FAM20C: variants seen among roughly 807,000 people sequenced by gnomAD.
FAM20C encodes the protein extracellular serine/threonine protein kinase FAM20C.
A neutral mutation model predicts 51.5 loss-of-function variants in FAM20C; 40 were observed. The ratio of observed to expected loss-of-function variants is 0.78; its 90% confidence interval spans 0.60 to 1.01. The LOEUF is 1.01. Ranked by LOEUF, FAM20C falls within the 50% of genes least tolerant of loss-of-function variation. The pLI, the probability that FAM20C is intolerant of heterozygous loss-of-function variation, is 0.00. For missense variants in FAM20C, 861 were observed against 844.7 expected (o/e 1.02, Z -0.24); for synonymous variants, 406 against 380.6 (o/e 1.07, Z -0.78).
At chr7:217,861 G>A (rs979538463) in intron 3 of FAM20C, among the ~76,000 whole-genome samples, 1 of 152,180 alleles carries the variant, frequency 6.6e-6, no homozygotes, top group Non-Finnish European at 1.5e-5. Flanking sequence ...CACCCTCAGA[G>A]GAAGAGGGGC....
intron 3 of FAM20C, among the ~76,000 whole-genome samples, chr7:233,582 G>T (rs1787764236): frequency 6.6e-6 from 1 of 152,290 alleles, no homozygotes; most frequent in East Asian, 1.9e-4. Flanking sequence ...TCCGGCTCCT[G>T]GAGGCGCCTG....
intron 3 of FAM20C, among the ~76,000 whole-genome samples, chr7:212,138 A>G (rs1786749820): frequency 6.6e-6 from 1 of 152,244 alleles, no homozygotes; most frequent in Non-Finnish European, 1.5e-5. Context: ...TCATGACCAT[A>G]GCATTAATGA....
chr7:232,105 C>A (rs550825514), intron 3 of FAM20C, among the ~76,000 whole-genome samples: 65 of 152,366 alleles, frequency 4.3e-4, no homozygotes, highest in African/African-American at 1.5e-3. Flanking sequence ...CGCCCCTTTC[C>A]CTGCTCGGCC....
chr7:259,034 C>A (rs1020953045), intron 9 of FAM20C, among the ~76,000 whole-genome samples: 1 of 152,250 alleles, frequency 6.6e-6, no homozygotes, highest in Non-Finnish European at 1.5e-5. Context: ...ACGCAGCTGC[C>A]GGTCTCTGCC....
rs908212709 is a variant in FAM20C, at chr7:255,845, C to A, written c.1073-4C>A. 8 of 1,536,180 alleles carry A rather than the reference C, an allele frequency of 5.2e-6. No individual in the cohort carries two copies. The African/African-American group carries it at 8.2e-5, about 16-fold the overall frequency. Reference sequence around the variant, plus strand: ...CTGGTAACCCGCAGCCTGTCCCTCCCCAGCCAACAACATCTGCTTCTACGG... The same window carrying A: ...CTGGTAACCCGCAGCCTGTCCCTCCACAGCCAACAACATCTGCTTCTACGG... On this transcript the variant is annotated splice_region_variant and splice_polypyrimidine_tract_variant and intron_variant, in intron 5 of 9. Coordinates refer to ENST00000313766, the MANE Select transcript of FAM20C (RefSeq NM_020223.4).
chr7:257,473 C>T, intron 8 of FAM20C: 1 of 211,824 alleles, frequency 4.7e-6, no homozygotes, highest in Non-Finnish European at 9.4e-6. Context: ...TGCTGGCCTG[C>T]CACGGGGGGT....
Position 256,661 on chromosome 7 carries a change from G to T in FAM20C, c.1261G>T (p.Val421Leu). 1 of 1,535,992 alleles carries T rather than the reference G, an allele frequency of 6.5e-7. No individual in the cohort carries two copies. Among genetic ancestry groups the T allele is most frequent in the South Asian group, 1.2e-5 (1 of 84,056 alleles). ...CACGCTGGCTCCCCGCAGGTGGGAG[G>T]TGGACCCTGACTACTGCGAGGAGGT... ...YHKRKKAEWE[V>L]DPDYCEEVKQ... The change falls in exon 7 of 10, where the codon GTG becomes TTG. Residue 421 changes from valine to leucine, a missense_variant. Coordinates refer to ENST00000313766, the MANE Select transcript of FAM20C (RefSeq NM_020223.4).
intron 3 of FAM20C, among the ~76,000 whole-genome samples, chr7:215,244 GCC>G: frequency 1.6e-5 from 2 of 125,944 alleles, no homozygotes; most frequent in Non-Finnish European, 1.8e-5. Context: ...GGGGAGCAGG[GCC>G]CCTGGTGTAT....
rs1788577735 is a variant in FAM20C, at chr7:256,039, G to C, written c.1253+10G>C. 6.5e-7 allele frequency: 1 copy of C among 1,532,642 alleles called. No homozygotes were observed. The highest frequency in any genetic ancestry group is 8.7e-7 in the Non-Finnish European group (1 of 1,145,066). 94.9% of individuals were successfully genotyped at this position (1,532,642 alleles called of 1,614,324 possible). A position where few individuals can be genotyped will look rare whatever the true frequency, so the allele number is the denominator to read the frequency against. The stretch of plus-strand genomic sequence containing the variant: ...AGCGCAAGAAGGCCGAGTGAGTGCG[G>C]GGCCGGGGGGCTGGCGTCCGGCCAC... On this transcript the variant is annotated intron_variant, in intron 6 of 9. Coordinates refer to ENST00000313766, the MANE Select transcript of FAM20C (RefSeq NM_020223.4).
At chr7:224,477 A>ACAACC (rs1562381470) in intron 3 of FAM20C, among the ~76,000 whole-genome samples, 4 of 8,118 alleles carry the variant, frequency 4.9e-4, no homozygotes, top group Non-Finnish European at 5.2e-4. Context: ...ATTGCGCAGA[A>ACAACC]TGGCACCGTC....
chr7:208,965 C>A lies in FAM20C; in HGVS notation c.852C>A (p.Phe284Leu). The change falls in exon 3 of 10, where the codon TTC (phenylalanine) becomes TTA (leucine). Residue 284 changes from phenylalanine (F) to leucine (L), a missense_variant. Around this residue, in one of 3 missense-constraint regions of FAM20C, gnomAD observed 561 missense variants for 499.8 expected, o/e 1.12. Coordinates refer to ENST00000313766, the MANE Select transcript of FAM20C (RefSeq NM_020223.4). ...MTFQNYGQAL[F>L]KPMKQTREQE... ...TCCAGAATTACGGGCAAGCGCTGTT[C>A]AAACCCATGAAGTAAGTGCCGAGGC... is the stretch of plus-strand genomic sequence containing the variant. The A allele has an allele frequency of 1.3e-6, 2 of 1,583,440 alleles. No individual in the cohort carries two copies. The highest frequency in any genetic ancestry group is 2.3e-5 in the South Asian group (2 of 86,264).
chr7:259,869 G>A lies in FAM20C; in HGVS notation c.1644G>A (p.Arg548=). Residue 548 remains arginine (R), a synonymous_variant, in exon 10 of 10, where the codon CGG becomes CGA. Transcript: ENST00000313766. Reference sequence around the variant, plus strand: ...AGCCGCACCTGGAGGCCCTGGACCGGCGGCTCCGCGTCGTGCTAAAGGCCG... The same window carrying A: ...AGCCGCACCTGGAGGCCCTGGACCGACGGCTCCGCGTCGTGCTAAAGGCCG... ...LYQPHLEALD[R]RLRVVLKAVR... 1 of 1,536,258 alleles carries A rather than the reference G, an allele frequency of 6.5e-7. No homozygotes were observed. Among genetic ancestry groups the A allele is most frequent in the Non-Finnish European group, 8.7e-7 (1 of 1,146,754 alleles).
At chr7:255,726 G>C in intron 5 of FAM20C, 123 bp from the exon 6 acceptor site, 1 of 1,030,582 alleles carries the variant, frequency 9.7e-7, no homozygotes, top group Non-Finnish European at 1.4e-6. Context: ...ATGGGGAACT[G>C]TGGGTGAGTC....
At chr7:253,330 C>T (rs1021270127) in intron 5 of FAM20C, among the ~76,000 whole-genome samples, 4 of 152,174 alleles carry the variant, frequency 2.6e-5, no homozygotes, top group South Asian at 2.1e-4. Context: ...TGGTGGGAGA[C>T]GCTTGAGCCG....
In FAM20C at chr7:193,146, C is replaced by G; in HGVS notation, c.-54C>G. The stretch of plus-strand genomic sequence containing the variant: ...GCGCCGCGCTCGTGCCCAGCTGCAG[C>G]TAGAGGGGCGCGCGGGCAGAACGCG... On this transcript the variant is annotated 5_prime_UTR_variant, in exon 1 of 10. Coordinates refer to ENST00000313766, the MANE Select transcript of FAM20C (RefSeq NM_020223.4). 1 of 1,408,488 alleles carries G rather than the reference C, an allele frequency of 7.1e-7. No homozygotes were observed. Among genetic ancestry groups the G allele is most frequent in the Non-Finnish European group, 9.3e-7 (1 of 1,070,874 alleles). 87.2% of individuals were successfully genotyped at this position (1,408,488 alleles called of 1,614,324 possible). A position where few individuals can be genotyped will look rare whatever the true frequency, so the allele number is the denominator to read the frequency against.
rs1025213270 is a variant in FAM20C, at chr7:218,055, G to C, written c.863+9079G>C. Among the ~76,000 whole-genome samples, 2 of 152,176 alleles carry C rather than the reference G, an allele frequency of 1.3e-5. 1 individual carries two copies. The highest frequency in any genetic ancestry group is 4.8e-5 in the African/African-American group (2 of 41,416). On this transcript the variant is annotated intron_variant, in intron 3 of 9. Coordinates refer to ENST00000313766, the MANE Select transcript of FAM20C (RefSeq NM_020223.4). ...GTGTGAGGCCAGGAGTGGTGGGGTA[G>C]GGGTTGGACGCTCAGGCCTGCTGCC...
intron 2 of FAM20C, among the ~76,000 whole-genome samples, chr7:200,829 C>G (rs1786094672): frequency 6.6e-6 from 1 of 152,168 alleles, no homozygotes; most frequent in Admixed American, 6.5e-5. Flanking sequence ...CTGGCAGATC[C>G]AGGTCCAGAG....
At chr7:232,954 G>A (rs1267642490) in intron 3 of FAM20C, among the ~76,000 whole-genome samples, 1 of 152,236 alleles carries the variant, frequency 6.6e-6, no homozygotes, top group Non-Finnish European at 1.5e-5. Context: ...TCCTGAGAGG[G>A]GCCCAGATCC....
intron 2 of FAM20C, 57 bp from the exon 3 acceptor site, chr7:208,841 G>T: frequency 3.9e-6 from 6 of 1,527,386 alleles, no homozygotes; most frequent in South Asian, 3.6e-5. Flanking sequence ...GTCCGCACAG[G>T]AGAAGAAGGG....
Sources: allele counts gnomAD v4.1 joint callset (sites outside exome capture counted in the v4.1 genomes callset), GRCh38; gene constraint gnomAD v4.1.1; regional missense constraint gnomAD v4.1.1; transcripts MANE v1.5; gene names NCBI Gene and HGNC (gene_info 2026-07-23, HGNC 2026-07-21).